Variants in MYH6 observed in about 807,000 individuals in gnomAD.
MYH6 encodes the protein myosin heavy chain 6.
In MYH6, 126 loss-of-function variants were observed where a neutral mutation model predicts 223.2. The observed-to-expected ratio is 0.56, with a 90% confidence interval of 0.49 to 0.65. The LOEUF (loss-of-function observed/expected upper bound fraction) is 0.65, where lower values mean the gene tolerates loss of function less well. MYH6 is among the 30% of genes least tolerant of loss of function. The probability of loss-of-function intolerance (pLI) is 0.00; values close to 1 mark genes in which losing one functional copy is unlikely to be tolerated. For synonymous variants in MYH6, 978 were observed against 1,010.2 expected (o/e 0.97, Z 0.61); for missense variants, 2,040 against 2,536.4 (o/e 0.80, Z 4.20).
rs748499960 is a variant in MYH6, at chr14:23,396,358, G to T, written c.2355C>A (p.Arg785=). Residue 785 remains arginine (R), a synonymous_variant, in exon 20 of 39, where the codon CGC becomes CGA. Coordinates refer to ENST00000405093, the MANE Select transcript of MYH6 (RefSeq NM_002471.4). ...LEEMRDERLS[R]IITRMQAQAR... ...CTTGGGCCTGCATGCGCGTGATGATGCGGCTCAGCCTCTCATCCCGCATCT... is the reference window on the plus strand; with the variant it reads ...CTTGGGCCTGCATGCGCGTGATGATTCGGCTCAGCCTCTCATCCCGCATCT... 1 of 1,614,112 alleles carries T rather than the reference G, an allele frequency of 6.2e-7. No individual in the cohort carries two copies. The highest frequency in any genetic ancestry group is 8.5e-7 in the Non-Finnish European group (1 of 1,180,048).
chr14:23,391,819 T>C (rs1223808214), intron 25 of MYH6, among the ~76,000 whole-genome samples: 1 of 152,184 alleles, frequency 6.6e-6, no homozygotes, highest in Non-Finnish European at 1.5e-5. Context: ...TCATTAAAGC[T>C]AAGGGAGACT....
At chr14:23,404,013 C>G (rs1891696281) in intron 8 of MYH6, among the ~76,000 whole-genome samples, 1 of 152,234 alleles carries the variant, frequency 6.6e-6, no homozygotes. Context: ...CCTGCTCATA[C>G]CTCTCATATG....
At chr14:23,394,383 G>T in intron 20 of MYH6, 60 bp from the exon 21 acceptor site, 1 of 1,605,672 alleles carries the variant, frequency 6.2e-7, no homozygotes, top group African/African-American at 1.3e-5. Flanking sequence ...CCAATCATGG[G>T]CCCTACTAAG....
chr14:23,386,476 G>T lies in MYH6; in HGVS notation c.4798C>A (p.Gln1600Lys), dbSNP rs770068575. The T allele has an allele frequency of 4.3e-6, 7 of 1,614,048 alleles. No individual in the cohort carries two copies. The Admixed American group carries it at 1.2e-4, about 27-fold the overall frequency. The change falls in exon 33 of 39, where the codon CAG (glutamine) becomes AAG (lysine). Residue 1600 changes from glutamine to lysine, a missense_variant. Gln to Lys is a moderately conservative substitution (Grantham distance 53, BLOSUM62 1). Transcript: ENST00000405093. ...RNHQRVVDSLQTSLDAETRSR... is the reference protein window; with the variant it reads ...RNHQRVVDSLKTSLDAETRSR... ...CGTGTCTCTGCATCCAGGGAGGTCT[G>T]CAGCGAGTCCACCACCCGCTGGTGG...
chr14:23,393,240 A>AG, intron 23 of MYH6, 102 bp downstream of exon 23: 1 of 1,524,242 alleles, frequency 6.6e-7, no homozygotes. Context: ...AAAAAGCTTC[A>AG]GGGGCCATAG....
chr14:23,396,218 A>G (rs1891388399), intron 20 of MYH6, 66 bp downstream of exon 20: 2 of 1,610,074 alleles, frequency 1.2e-6, no homozygotes, highest in Non-Finnish European at 1.7e-6. Flanking sequence ...TCTGACCCAC[A>G]CTAGTTGACA....
chr14:23,396,545 GACAA>G, intron 19 of MYH6, 125 bp from the exon 20 acceptor site: 1 of 1,566,902 alleles, frequency 6.4e-7, no homozygotes, highest in Non-Finnish European at 8.7e-7. Context: ...GTAAAAATTT[GACAA>G]ACAAGACCGG....
chr14:23,397,689 G>T, intron 15 of MYH6, 76 bp from the exon 16 acceptor site: 1 of 1,449,352 alleles, frequency 6.9e-7, no homozygotes, highest in Non-Finnish European at 9.7e-7. Context: ...GAGCTCTGCT[G>T]CTCGCTTGGT....
chr14:23,389,079 G>T, intron 28 of MYH6, 24 bp from the exon 29 acceptor site: 1 of 1,557,692 alleles, frequency 6.4e-7, no homozygotes. Context: ...GGGGCACCAG[G>T]AGGTGGGAGG....
At position 23,396,432 on chromosome 14, in the gene MYH6, G is replaced by C. The variant is rs115453571; in HGVS notation, c.2293-12C>G. 458 of 1,613,330 alleles carry C rather than the reference G, an allele frequency of 2.8e-4. 1 individual carries two copies. In the African/African-American group the frequency reaches 5.4e-3, roughly 19 times the overall value. ...GCCTTGAAGAACACCTGCAGGCAAG[G>C]GGTAGATGCAACAGGCCGCAGCCTC... On this transcript the variant is annotated splice_polypyrimidine_tract_variant and intron_variant, in intron 19 of 38. Transcript: ENST00000405093.
chr14:23,399,088 G>T, intron 14 of MYH6, 51 bp from the exon 15 acceptor site: 2 of 1,602,416 alleles, frequency 1.2e-6, no homozygotes, highest in East Asian at 2.2e-5. Context: ...ACACTCCCAG[G>T]CTTCCACAGT....
intron 38 of MYH6, 58 bp downstream of exon 38, chr14:23,382,370 C>G (rs1340218604): frequency 2.0e-5 from 33 of 1,611,414 alleles, no homozygotes; most frequent in Admixed American, 3.3e-5. Flanking sequence ...GAAGGGCACC[C>G]ATATCAGGGG....
At chr14:23,393,162 A>G in intron 23 of MYH6, 105 bp from the exon 24 acceptor site, 2 of 1,526,918 alleles carry the variant, frequency 1.3e-6, no homozygotes, top group East Asian at 4.5e-5. Flanking sequence ...TGGAAGTCAA[A>G]CCAACAGAGA....
chr14:23,390,022 G>T (rs769975888), intron 26 of MYH6, 35 bp downstream of exon 26: 3 of 1,613,466 alleles, frequency 1.9e-6, no homozygotes. Flanking sequence ...CCGCTGTGCA[G>T]GGGAGAGGGC....
Position 23,405,322 on chromosome 14 carries a change from T to A in MYH6, c.403A>T (p.Asn135Tyr). The change falls in exon 5 of 39, where the codon AAT (asparagine) becomes TAT (tyrosine). Residue 135 changes from asparagine (N) to tyrosine (Y), a missense_variant. Physicochemically the swap from Asn to Tyr is moderately radical, Grantham distance 143. Around this residue, in one of 4 missense-constraint regions of MYH6, gnomAD observed 184 missense variants for 232.4 expected, o/e 0.79. Transcript: ENST00000405093. The surrounding 1 kb of genome is among the most constrained non-coding windows in gnomAD (Gnocchi z 4.7). The stretch of plus-strand genomic sequence containing the variant: ...CGGTAGGCGGCCACCACCTCGGCAT[T>A]GTACACCGGCAGCCACTTGTAGGGG... ...VNPYKWLPVYNAEVVAAYRGK... is the reference protein window; with the variant it reads ...VNPYKWLPVYYAEVVAAYRGK... 1 of 1,614,130 alleles carries A rather than the reference T, an allele frequency of 6.2e-7. No homozygotes were observed. The highest frequency in any genetic ancestry group is 1.1e-5 in the South Asian group (1 of 91,082).
rs765105455 is a variant in MYH6, at chr14:23,387,749, C to T, written c.4525+9G>A. The T allele has an allele frequency of 8.1e-6, 13 of 1,613,966 alleles. No individual in the cohort carries two copies. In the South Asian group the frequency reaches 1.2e-4, roughly 15 times the overall value. On this transcript the variant is annotated intron_variant, in intron 31 of 38. Coordinates refer to ENST00000405093, the MANE Select transcript of MYH6 (RefSeq NM_002471.4). ...AACTCATCTCTGGCCTCTTGGACCC[C>T]CAGCACACCCTGAAGGTTCTTGTTC...
Position 23,398,826 on chromosome 14 carries a change from T to C in MYH6, c.1793A>G (p.Asn598Ser). The change falls in exon 15 of 39, where the codon AAC becomes AGC. Residue 598 changes from asparagine (N) to serine (S), a missense_variant. By Grantham distance (46) the Asn-to-Ser change is conservative (BLOSUM62 1). Around this residue, in one of 4 missense-constraint regions of MYH6, gnomAD observed 649 missense variants for 877.3 expected, o/e 0.74. Coordinates refer to ENST00000405093, the MANE Select transcript of MYH6 (RefSeq NM_002471.4). The part of the protein sequence containing the change: ...DYNILGWLEK[N>S]KDPLNETVVA... ...AACAGTCTCGTTGAGAGGATCCTTG[T>C]TTTTTTCCAGCCAGCCCAGGATGTT... 6.2e-7 allele frequency: 1 copy of C among 1,614,150 alleles called. No homozygotes were observed. The highest frequency in any genetic ancestry group is 8.5e-7 in the Non-Finnish European group (1 of 1,180,010).
chr14:23,398,024 C>CTTCTTCTTCTTCTTCTTCTTCTT (rs1233804043), intron 15 of MYH6, among the ~76,000 whole-genome samples: 2 of 99,712 alleles, frequency 2.0e-5, no homozygotes, highest in Admixed American at 1.2e-4. Flanking sequence ...TCTTCTTCTT[C>CTTCTTCTTCTTCTTCTTCTTCTT]CTTCTATTTT....
rs775654359 is a variant in MYH6, at chr14:23,396,648, A to T, written c.2292+46T>A. 9 of 1,613,820 alleles carry T rather than the reference A, an allele frequency of 5.6e-6. No homozygotes were observed. The Admixed American group carries it at 1.3e-4, about 24-fold the overall frequency. On this transcript the variant is annotated intron_variant, in intron 19 of 38. Coordinates refer to ENST00000405093, the MANE Select transcript of MYH6 (RefSeq NM_002471.4). The stretch of plus-strand genomic sequence containing the variant: ...CCTAAACTCCTCTCTGCTCCACTCA[A>T]CATGGCCACCTGCCCTGCAACCACC...
Sources: allele counts gnomAD v4.1 joint callset (sites outside exome capture counted in the v4.1 genomes callset), GRCh38; gene constraint gnomAD v4.1.1; regional missense constraint gnomAD v4.1.1; non-coding constraint Gnocchi (gnomAD v3.1); transcripts MANE v1.5; gene names NCBI Gene and HGNC (gene_info 2026-07-23, HGNC 2026-07-21).